ERBB4: variants seen among roughly 807,000 people sequenced by gnomAD.
ERBB4 encodes erb-b2 receptor tyrosine kinase 4.
In ERBB4, 42 loss-of-function variants were observed where a neutral mutation model predicts 158.0. The ratio of observed to expected loss-of-function variants is 0.27; its 90% CI spans 0.21 to 0.34. The LOEUF is 0.34. ERBB4 is among the 10% of genes least tolerant of loss of function. The pLI is 1.00. For missense variants in ERBB4, 1,333 were observed against 1,624.1 expected (o/e 0.82, Z 3.08); for synonymous variants, 583 against 558.7 (o/e 1.04, Z -0.61).
chr2:211,459,539 A>G (rs1258640668), intron 20 of ERBB4, among the ~76,000 whole-genome samples: 1 of 152,174 alleles, frequency 6.6e-6, no homozygotes, highest in East Asian at 1.9e-4. Flanking sequence ...AGATAACTGA[A>G]CCATGGGGGA....
intron 3 of ERBB4, among the ~76,000 whole-genome samples, chr2:211,813,906 A>G (rs764877175): frequency 2.0e-5 from 3 of 152,192 alleles, no homozygotes; most frequent in Admixed American, 6.5e-5. Context: ...ACAAAAAATA[A>G]TATAAATCAT....
At chr2:211,779,954 C>G (rs1268844680) in intron 4 of ERBB4, among the ~76,000 whole-genome samples, 1 of 152,110 alleles carries the variant, frequency 6.6e-6, no homozygotes, top group Admixed American at 6.6e-5. Flanking sequence ...GCCACATCTC[C>G]TATTACAGAA....
intron 20 of ERBB4, among the ~76,000 whole-genome samples, chr2:211,493,587 AC>A (rs1165008739): frequency 1.3e-5 from 2 of 152,010 alleles, no homozygotes; most frequent in South Asian, 2.1e-4. Flanking sequence ...ACAAAAAAAA[AC>A]ACCTTTGCAT....
chr2:211,781,497 G>C (rs1050648231), intron 4 of ERBB4, among the ~76,000 whole-genome samples: 2 of 152,216 alleles, frequency 1.3e-5, no homozygotes, highest in Non-Finnish European at 1.5e-5. Context: ...GACTGGAGCA[G>C]CTGAGGATTG....
chr2:211,932,320 T>G (rs1322465820), intron 3 of ERBB4, among the ~76,000 whole-genome samples: 1 of 152,068 alleles, frequency 6.6e-6, no homozygotes, highest in African/African-American at 2.4e-5. Context: ...AGAGTGTTTT[T>G]TGGATACAAG....
chr2:211,861,099 C>T (rs188176745), intron 3 of ERBB4, among the ~76,000 whole-genome samples: 1,629 of 21,672 alleles, frequency 0.075, 215 homozygotes, highest in African/African-American at 0.11. Flanking sequence ...TATATAAATA[C>T]ATTATATATA....
intron 1 of ERBB4, among the ~76,000 whole-genome samples, chr2:212,185,024 T>TTTTTTTTTC: frequency 7.0e-6 from 1 of 142,072 alleles, no homozygotes; most frequent in Admixed American, 6.8e-5. Context: ...TTTTTTTCTT[T>TTTTTTTTTC]TTTTTTTTTC....
chr2:211,963,037 A>C (rs2081220864), intron 2 of ERBB4, among the ~76,000 whole-genome samples: 1 of 152,086 alleles, frequency 6.6e-6, no homozygotes, highest in Non-Finnish European at 1.5e-5. Flanking sequence ...ATATGTTTTT[A>C]ATCTTCAAAT....
intron 1 of ERBB4, among the ~76,000 whole-genome samples, chr2:212,240,627 C>G (rs11887954): frequency 0.66 from 69,108 of 104,764 alleles, 20,206 homozygotes; most frequent in East Asian, 0.78. Context: ...AACAGAGCGA[C>G]ACTCTGGCTC....
intron 1 of ERBB4, among the ~76,000 whole-genome samples, chr2:212,357,029 A>G (rs1286684845): frequency 6.6e-6 from 1 of 151,886 alleles, no homozygotes; most frequent in Non-Finnish European, 1.5e-5. Flanking sequence ...GAATTTTAAC[A>G]TATGTAAATA....
At chr2:211,751,523 A>G (rs1034250785) in intron 4 of ERBB4, among the ~76,000 whole-genome samples, 5 of 152,218 alleles carry the variant, frequency 3.3e-5, no homozygotes, top group African/African-American at 1.2e-4. Context: ...AATCTATTAA[A>G]GCTTAAAACT....
chr2:211,441,045 C>T (rs2063962856), intron 20 of ERBB4, among the ~76,000 whole-genome samples: 1 of 152,184 alleles, frequency 6.6e-6, no homozygotes, highest in Non-Finnish European at 1.5e-5. Context: ...GCCCCATGCC[C>T]TCCTTCCTCA....
At position 211,463,303 on chromosome 2, in the gene ERBB4, T is replaced by C. The variant is rs2064585485; in HGVS notation, c.2488-32203A>G. Among the ~76,000 whole-genome samples the C allele has an allele frequency of 2.0e-5, 3 of 152,208 alleles. No homozygotes were observed. In the South Asian group the frequency reaches 6.2e-4, roughly 31 times the overall value. On this transcript the variant is annotated intron_variant, in intron 20 of 27. Coordinates refer to ENST00000342788, the MANE Select transcript of ERBB4 (RefSeq NM_005235.3). ...CAGCAGGGTTTGTTCATGTACAAAT[T>C]GCAAAGCTACTCACTTGATTAAGAA...
At chr2:212,497,964 C>T (rs886101687) in intron 1 of ERBB4, among the ~76,000 whole-genome samples, 1 of 152,074 alleles carries the variant, frequency 6.6e-6, no homozygotes, top group Admixed American at 6.6e-5. Flanking sequence ...AATAAATTGG[C>T]ACTGTTTAGA....
intron 2 of ERBB4, among the ~76,000 whole-genome samples, chr2:212,089,786 CA>C (rs1355504596): frequency 6.6e-6 from 1 of 152,088 alleles, no homozygotes; most frequent in Non-Finnish European, 1.5e-5. Flanking sequence ...TTGTTTACAG[CA>C]AAGGGAGATG....
chr2:212,017,561 C>T (rs2076556498), intron 2 of ERBB4, among the ~76,000 whole-genome samples: 1 of 152,150 alleles, frequency 6.6e-6, no homozygotes, highest in African/African-American at 2.4e-5. Context: ...AGGCCATGCT[C>T]TCTCAGTATA....
At chr2:212,438,968 C>A (rs1247242911) in intron 1 of ERBB4, among the ~76,000 whole-genome samples, 2 of 152,114 alleles carry the variant, frequency 1.3e-5, no homozygotes, top group African/African-American at 4.8e-5. Context: ...CATACCAAAC[C>A]AGTGAGACAT....
chr2:212,433,231 T>C (rs1203878866), intron 1 of ERBB4, among the ~76,000 whole-genome samples: 1 of 152,036 alleles, frequency 6.6e-6, no homozygotes, highest in Non-Finnish European at 1.5e-5. Context: ...TTCCACTAAC[T>C]GACATTTTTA....
At chr2:212,433,127 G>T (rs900771062) in intron 1 of ERBB4, among the ~76,000 whole-genome samples, 2 of 151,988 alleles carry the variant, frequency 1.3e-5, no homozygotes. Context: ...CATTCTTAAA[G>T]CACAATATTT....
Sources: allele counts gnomAD v4.1 joint callset (sites outside exome capture counted in the v4.1 genomes callset), GRCh38; gene constraint gnomAD v4.1.1; transcripts MANE v1.5; gene names NCBI Gene and HGNC (gene_info 2026-07-23, HGNC 2026-07-21).